ABTB2: variants seen among roughly 807,000 people sequenced by gnomAD.
The protein encoded by ABTB2 is ankyrin repeat and BTB/POZ domain-containing protein 2.
A neutral mutation model predicts 104.1 loss-of-function variants in ABTB2; 56 were observed. The ratio of observed to expected loss-of-function variants is 0.54; its 90% CI spans 0.43 to 0.67. The LOEUF (loss-of-function observed/expected upper bound fraction) is 0.67. ABTB2 is among the 30% of genes least tolerant of loss of function. The probability of loss-of-function intolerance (pLI) is 0.00; values close to 1 mark genes in which losing one functional copy is unlikely to be tolerated. For missense variants in ABTB2, 1,279 were observed against 1,407.7 expected (o/e 0.91, Z 1.46); for synonymous variants, 606 against 608.2 (o/e 1.00, Z 0.05).
chr11:34,343,619 C>T (rs566932335), intron 1 of ABTB2, among the ~76,000 whole-genome samples: 9 of 152,080 alleles, frequency 5.9e-5, no homozygotes, highest in South Asian at 4.2e-4. Context: ...GGATTACAGG[C>T]GCCTGCCACC....
At chr11:34,212,666 A>C (rs1236965681) in intron 1 of ABTB2, among the ~76,000 whole-genome samples, 1 of 152,184 alleles carries the variant, frequency 6.6e-6, no homozygotes, top group Non-Finnish European at 1.5e-5. Flanking sequence ...GCAAACTCAG[A>C]GACAGCACTC....
chr11:34,304,695 A>G (rs1004227068), intron 1 of ABTB2, among the ~76,000 whole-genome samples: 15 of 150,076 alleles, frequency 1.0e-4, no homozygotes, highest in African/African-American at 3.7e-4. Context: ...GAGGAGGGAA[A>G]TGGAGGGGAA....
At chr11:34,337,356 T>G (rs376970726) in intron 1 of ABTB2, among the ~76,000 whole-genome samples, 22 of 152,300 alleles carry the variant, frequency 1.4e-4, no homozygotes, top group African/African-American at 5.1e-4. Context: ...GCTGCTGGTC[T>G]CAGCCTAGGG....
At chr11:34,339,134 C>T (rs1005774415) in intron 1 of ABTB2, among the ~76,000 whole-genome samples, 1 of 152,176 alleles carries the variant, frequency 6.6e-6, no homozygotes. Flanking sequence ...CACCATTTCT[C>T]GTCATCTTGA....
At chr11:34,211,094 A>C (rs1853475550) in intron 1 of ABTB2, among the ~76,000 whole-genome samples, 1 of 152,176 alleles carries the variant, frequency 6.6e-6, no homozygotes, top group Non-Finnish European at 1.5e-5. Context: ...AATAGAGTGT[A>C]AGGACAGTCA....
intron 1 of ABTB2, chr11:34,335,795 T>A: frequency 1.5e-6 from 2 of 1,362,772 alleles, no homozygotes; most frequent in Non-Finnish European, 2.1e-6. Context: ...AGCTTGAACC[T>A]CTGATCTTGA....
Position 34,204,632 on chromosome 11 carries a change from G to C in ABTB2, c.942C>G (p.Asp314Glu), listed in dbSNP as rs574828722. The C allele has an allele frequency of 1.2e-6, 2 of 1,611,874 alleles. No individual in the cohort carries two copies. The highest frequency in any genetic ancestry group is 1.7e-6 in the Non-Finnish European group (2 of 1,179,466). ...SPYNGGSLGH[D>E]ERADAYAQLE... is the part of the protein sequence containing the mutation. ...GCTGGGCATAGGCATCGGCTCGCTC[G>C]TCATGGCCCAGGGACCCGCCGTTGT... Residue 314 changes from aspartate (D) to glutamate (E), a missense_variant, in exon 2 of 17, where the codon GAC becomes GAG. Coordinates refer to ENST00000435224, the MANE Select transcript of ABTB2 (RefSeq NM_145804.3).
At chr11:34,331,547 C>T (rs1000679942) in intron 1 of ABTB2, among the ~76,000 whole-genome samples, 1 of 152,176 alleles carries the variant, frequency 6.6e-6, no homozygotes, top group Non-Finnish European at 1.5e-5. Context: ...CATGCTGGCC[C>T]CAAACACCAT....
In ABTB2 at chr11:34,159,995, C is replaced by A; in HGVS notation, c.2517G>T (p.Leu839Phe). 6.2e-7 allele frequency: 1 copy of A among 1,613,380 alleles called. No homozygotes were observed. The highest frequency in any genetic ancestry group is 1.1e-5 in the South Asian group (1 of 91,010). Residue 839 changes from leucine (L) to phenylalanine (F), a missense_variant, in exon 13 of 17, where the codon TTG (leucine) becomes TTT (phenylalanine). Coordinates refer to ENST00000435224, the MANE Select transcript of ABTB2 (RefSeq NM_145804.3). ...TLPARLDPHFLNNKEMSDVTF... is the reference protein window; with the variant it reads ...TLPARLDPHFFNNKEMSDVTF... ...TCACATCTGACATCTCCTTATTGTT[C>A]AAAAAGTGTGGATCTGTGAAAAGCG...
chr11:34,314,986 T>C (rs1854907881), intron 1 of ABTB2, among the ~76,000 whole-genome samples: 1 of 152,040 alleles, frequency 6.6e-6, no homozygotes, highest in South Asian at 2.1e-4. Context: ...AACCCAACAC[T>C]CCAAATGACT....
At chr11:34,178,984 G>A (rs1852990343) in intron 3 of ABTB2, among the ~76,000 whole-genome samples, 1 of 150,496 alleles carries the variant, frequency 6.6e-6, no homozygotes, top group African/African-American at 2.4e-5. Flanking sequence ...GCTGAGGCAG[G>A]AGAATTGCTT....
intron 1 of ABTB2, among the ~76,000 whole-genome samples, chr11:34,279,890 G>A (rs1322938587): frequency 6.7e-6 from 1 of 148,556 alleles, no homozygotes; most frequent in Non-Finnish European, 1.5e-5. Context: ...CCGGGTTCAA[G>A]TGATTCTCCT....
chr11:34,166,956 G>A lies in ABTB2; in HGVS notation c.1755+303C>T, dbSNP rs554934700. The stretch of plus-strand genomic sequence containing the variant: ...GTAGGCGAGAAAGCTGAGTGGGACT[G>A]GGACAGCCCCCAGTGTGCCCGACAC... On this transcript the variant is annotated intron_variant, in intron 7 of 16. Coordinates refer to ENST00000435224, the MANE Select transcript of ABTB2 (RefSeq NM_145804.3). Among the ~76,000 whole-genome samples, 14 of 152,364 alleles carry A rather than the reference G, an allele frequency of 9.2e-5. No individual in the cohort carries two copies. The East Asian group carries it at 2.7e-3, about 29-fold the overall frequency.
chr11:34,170,221 C>A (rs989795110), intron 5 of ABTB2, among the ~76,000 whole-genome samples: 1 of 152,160 alleles, frequency 6.6e-6, no homozygotes. Flanking sequence ...CTCATCTATA[C>A]AATGGGGAAA....
intron 1 of ABTB2, among the ~76,000 whole-genome samples, chr11:34,293,617 A>C (rs2133094266): frequency 6.7e-6 from 1 of 149,382 alleles, no homozygotes; most frequent in Non-Finnish European, 1.5e-5. Flanking sequence ...GCTGTGTCAA[A>C]TGCTGCTGAG....
chr11:34,174,125 G>A (rs1224465590), intron 3 of ABTB2, among the ~76,000 whole-genome samples: 5 of 152,134 alleles, frequency 3.3e-5, no homozygotes, highest in African/African-American at 1.2e-4. Flanking sequence ...ACGAGGTCAG[G>A]AGATCGAGAT....
chr11:34,272,302 CAAAAA>C (rs60997940), intron 1 of ABTB2, among the ~76,000 whole-genome samples: 5 of 80,778 alleles, frequency 6.2e-5, no homozygotes, highest in African/African-American at 3.8e-5. Flanking sequence ...CAGGAAGCTG[CAAAAA>C]AAAAAAAAAA....
At chr11:34,235,103 C>T (rs767147327) in intron 1 of ABTB2, among the ~76,000 whole-genome samples, 46 of 152,118 alleles carry the variant, frequency 3.0e-4, no homozygotes, top group Non-Finnish European at 4.3e-4. Flanking sequence ...CCTTGTGATC[C>T]GCCTGCCTTA....
chr11:34,166,314 T>A (rs956704373), intron 7 of ABTB2, among the ~76,000 whole-genome samples: 1 of 152,180 alleles, frequency 6.6e-6, no homozygotes. Context: ...CAGTCAGAAA[T>A]CAGTCACTCC....
Sources: allele counts gnomAD v4.1 joint callset (sites outside exome capture counted in the v4.1 genomes callset), GRCh38; gene constraint gnomAD v4.1.1; transcripts MANE v1.5; gene names NCBI Gene and HGNC (gene_info 2026-07-23, HGNC 2026-07-21).